DNER: variants seen among roughly 807,000 people sequenced by gnomAD.
DNER encodes the protein delta and Notch-like epidermal growth factor-related receptor.
A neutral mutation model predicts 78.2 loss-of-function variants in DNER; 33 were observed. The observed-to-expected ratio is 0.42, with a 90% CI of 0.32 to 0.56. The LOEUF (loss-of-function observed/expected upper bound fraction) is 0.56. Ranked by LOEUF, DNER falls within the 20% of genes least tolerant of loss-of-function variation. The pLI, the probability that DNER is intolerant of heterozygous loss-of-function variation, is 0.11. For missense variants in DNER, 918 were observed against 975.3 expected (o/e 0.94, Z 0.78); for synonymous variants, 417 against 384.8 (o/e 1.08, Z -0.98).
At chr2:229,413,155 C>CATT (rs1693559938) in intron 9 of DNER, among the ~76,000 whole-genome samples, 1 of 151,810 alleles carries the variant, frequency 6.6e-6, no homozygotes, top group Non-Finnish European at 1.5e-5. Flanking sequence ...AAGAGTCTTA[C>CATT]ATTATTATTA....
chr2:229,498,195 G>T (rs575213796), intron 6 of DNER, among the ~76,000 whole-genome samples: 40 of 152,234 alleles, frequency 2.6e-4, no homozygotes, highest in Admixed American at 2.2e-3. Context: ...CATCTCAATA[G>T]ATGCAGAAAA....
intron 7 of DNER, among the ~76,000 whole-genome samples, chr2:229,462,246 A>G (rs1694717941): frequency 1.3e-5 from 2 of 152,170 alleles, no homozygotes; most frequent in Non-Finnish European, 2.9e-5. Context: ...AAGACAATGA[A>G]GTCACTCTAT....
chr2:229,557,012 C>T (rs1182055747), intron 4 of DNER, among the ~76,000 whole-genome samples: 1 of 152,156 alleles, frequency 6.6e-6, no homozygotes, highest in Non-Finnish European at 1.5e-5. Flanking sequence ...AAAAGCAATA[C>T]TGTCCGGTTT....
At chr2:229,505,948 T>C (rs940762702) in intron 6 of DNER, among the ~76,000 whole-genome samples, 3 of 152,212 alleles carry the variant, frequency 2.0e-5, no homozygotes, top group Non-Finnish European at 2.9e-5. Flanking sequence ...TGCTATTATT[T>C]ACAAGTGTGG....
chr2:229,603,764 G>C (rs10933305), intron 1 of DNER, among the ~76,000 whole-genome samples: 1 of 149,058 alleles, frequency 6.7e-6, no homozygotes, highest in African/African-American at 2.6e-5. Context: ...TGCTTTGCAA[G>C]TTTGTGCTTT....
rs1692137855 is a variant in DNER, at chr2:229,358,468, G to A, written c.*72C>T. ...GCAGCTAGCATTTTAAATTTCTTAA[G>A]CTTTTTATTTTCTTAAAAATATTTA... On this transcript the variant is annotated 3_prime_UTR_variant, in exon 13 of 13. Coordinates refer to ENST00000341772, the MANE Select transcript of DNER (RefSeq NM_139072.4). The A allele has an allele frequency of 8.3e-7, 1 of 1,206,380 alleles. No individual in the cohort carries two copies. Among genetic ancestry groups the A allele is most frequent in the Admixed American group, 2.7e-5 (1 of 37,090 alleles). The allele number at this position is 1,206,380 out of a possible 1,614,324, so 74.7% of individuals were successfully genotyped here.
intron 1 of DNER, among the ~76,000 whole-genome samples, chr2:229,644,371 T>C (rs1446290600): frequency 9.1e-5 from 12 of 131,800 alleles, no homozygotes; most frequent in African/African-American, 3.3e-4. Flanking sequence ...TGAGCTGGAG[T>C]CTCACTGTGT....
intron 5 of DNER, among the ~76,000 whole-genome samples, chr2:229,514,702 C>G (rs1695933813): frequency 6.6e-6 from 1 of 152,184 alleles, no homozygotes; most frequent in Admixed American, 6.6e-5. Context: ...CTTTCCCCAA[C>G]AGATTTCTTT....
At chr2:229,370,619 T>C (rs140880219) in intron 11 of DNER, among the ~76,000 whole-genome samples, 28 of 152,330 alleles carry the variant, frequency 1.8e-4, no homozygotes, top group Middle Eastern at 3.4e-3. Context: ...AACTCATTTT[T>C]CTGGCTGAAA....
At chr2:229,364,365 C>A (rs1402865179) in intron 12 of DNER, among the ~76,000 whole-genome samples, 3 of 152,102 alleles carry the variant, frequency 2.0e-5, no homozygotes, top group African/African-American at 7.2e-5. Flanking sequence ...TACTACCTGC[C>A]AGGACCCACT....
intron 4 of DNER, among the ~76,000 whole-genome samples, chr2:229,560,533 C>T (rs373319154): frequency 8.5e-5 from 13 of 152,126 alleles, no homozygotes; most frequent in South Asian, 8.3e-4. Context: ...CCTGCAATCC[C>T]GCATCTCACC....
intron 4 of DNER, among the ~76,000 whole-genome samples, chr2:229,550,339 G>T (rs555318622): frequency 6.6e-6 from 1 of 151,916 alleles, no homozygotes; most frequent in East Asian, 1.9e-4. Context: ...TTTTTATTTC[G>T]ATTATCATAG....
At chr2:229,429,229 A>G (rs974947497) in intron 8 of DNER, among the ~76,000 whole-genome samples, 1 of 152,210 alleles carries the variant, frequency 6.6e-6, no homozygotes, top group Non-Finnish European at 1.5e-5. Flanking sequence ...TATTAAAATA[A>G]AATGTATTTG....
At chr2:229,529,364 T>G (rs1385613996) in intron 5 of DNER, among the ~76,000 whole-genome samples, 2 of 152,122 alleles carry the variant, frequency 1.3e-5, no homozygotes, top group Non-Finnish European at 1.5e-5. Flanking sequence ...CTCCTCCAAC[T>G]CCAAGTGAAC....
intron 6 of DNER, among the ~76,000 whole-genome samples, chr2:229,502,098 G>A (rs1695632729): frequency 2.0e-5 from 3 of 152,202 alleles, no homozygotes; most frequent in Admixed American, 2.0e-4. Context: ...TCACTGGGCA[G>A]TGACCAATGG....
intron 11 of DNER, among the ~76,000 whole-genome samples, chr2:229,375,851 G>A (rs1692585266): frequency 6.6e-6 from 1 of 152,144 alleles, no homozygotes; most frequent in Admixed American, 6.5e-5. Flanking sequence ...ATCTCATCTT[G>A]AATTGTAATC....
chr2:229,714,048 G>T, intron 1 of DNER, 100 bp downstream of exon 1: 1 of 1,127,346 alleles, frequency 8.9e-7, no homozygotes, highest in Non-Finnish European at 1.1e-6. Context: ...GAAAGCCTGT[G>T]TCAGGCGTGC....
intron 4 of DNER, 110 bp downstream of exon 4, chr2:229,585,748 T>G: frequency 9.2e-7 from 1 of 1,085,308 alleles, no homozygotes; most frequent in South Asian, 1.5e-5. Context: ...ATAGCATTGA[T>G]GGATAGAATT....
chr2:229,426,215 A>G lies in DNER; in HGVS notation c.1487-7985T>C, dbSNP rs189778812. 7.4e-3 allele frequency among the ~76,000 whole-genome samples: 1,133 copies of G among 152,090 alleles called. 5 individuals are homozygous for G. The highest frequency in any genetic ancestry group is 0.011 in the Non-Finnish European group (769 of 67,980). ...CCAGCACTTTGGGAGGCCGAGGCGG[A>G]TGGATCACAAGGTCAGGAGATCGAG... On this transcript the variant is annotated intron_variant, in intron 8 of 12. Transcript: ENST00000341772.
Sources: allele counts gnomAD v4.1 joint callset (sites outside exome capture counted in the v4.1 genomes callset), GRCh38; gene constraint gnomAD v4.1.1; transcripts MANE v1.5; gene names NCBI Gene and HGNC (gene_info 2026-07-23, HGNC 2026-07-21).